Variants in NECAB2 observed in about 807,000 individuals in gnomAD.
NECAB2 encodes the protein N-terminal EF-hand calcium binding protein 2, also known as N-terminal EF-hand calcium-binding protein 2.
In NECAB2, 68 loss-of-function variants were observed where a neutral mutation model predicts 51.9. The observed-to-expected ratio is 1.31, with a 90% confidence interval of 1.08 to 1.60. NECAB2 has a LOEUF of 1.60. Ranked by LOEUF, NECAB2 falls within the 40% of genes most tolerant of loss-of-function variation. The pLI is 0.00. For missense variants in NECAB2, 854 were observed against 490.3 expected, an observed-to-expected ratio of 1.74 and a Z score of -7.00; for synonymous variants, 329 against 203.5, an observed-to-expected ratio of 1.62 and a Z score of -5.25.
rs182198377 is a variant in NECAB2, at chr16:83,984,291, G to T, written c.459+3164G>T. ...ATTACAGGCGTGAGCCACCGCGCCC[G>T]GCGGAATATTTTTAAACAAAACTGC... On this transcript the variant is annotated intron_variant, in intron 5 of 12. Coordinates refer to ENST00000305202, the MANE Select transcript of NECAB2 (RefSeq NM_019065.3). 2.6e-4 allele frequency among the ~76,000 whole-genome samples: 40 copies of T among 151,656 alleles called. No homozygotes were observed. In the East Asian group the frequency reaches 4.7e-3, roughly 18 times the overall value.
chr16:84,002,172 G>A, intron 12 of NECAB2, 146 bp from the exon 13 acceptor site: 1 of 1,118,470 alleles, frequency 8.9e-7, no homozygotes, highest in Admixed American at 1.7e-5. Flanking sequence ...CAGGTGTGTG[G>A]TTTGCACCTG....
At position 83,997,311 on chromosome 16, in the gene NECAB2, C is replaced by T. The variant is rs1214592404; in HGVS notation, c.849+42C>T. On this transcript the variant is annotated intron_variant, in intron 9 of 12. Transcript: ENST00000305202. Reference sequence around the variant, plus strand: ...CCTCTCTTCTGGGACCACATCCCTACCCATGCCAGGACTGCCAAGATCCAA... The same window carrying T: ...CCTCTCTTCTGGGACCACATCCCTATCCATGCCAGGACTGCCAAGATCCAA... The T allele has an allele frequency of 1.2e-5, 20 of 1,612,662 alleles. No individual in the cohort carries two copies. In the African/African-American group the frequency reaches 1.5e-4, roughly 12 times the overall value.
intron 1 of NECAB2, chr16:83,971,943 G>A: frequency 1.6e-6 from 1 of 639,618 alleles, no homozygotes. Flanking sequence ...GCTTCCACGT[G>A]GGTGAGGGGA....
chr16:83,981,677 G>C (rs1165823633), intron 5 of NECAB2, among the ~76,000 whole-genome samples: 1 of 152,134 alleles, frequency 6.6e-6, no homozygotes. Flanking sequence ...TGGCTGGGAT[G>C]AGTGGGGAAA....
At chr16:83,965,322 A>C, upstream of NECAB2, 1 of 1,580,694 alleles carries the variant, frequency 6.3e-7, no homozygotes, top group Non-Finnish European at 8.6e-7. Flanking sequence ...GGCACGTTCG[A>C]CAGCCCGGCC....
intron 9 of NECAB2, 149 bp downstream of exon 9, chr16:83,997,418 C>G: frequency 1.0e-6 from 1 of 966,328 alleles, no homozygotes; most frequent in East Asian, 2.7e-5. Flanking sequence ...GCACCCAGAC[C>G]CTGCCCTGGC....
intron 2 of NECAB2, among the ~76,000 whole-genome samples, chr16:83,975,169 G>A (rs1244766089): frequency 1.4e-5 from 2 of 139,534 alleles, no homozygotes; most frequent in African/African-American, 6.1e-5. Context: ...TGTGGGTGCA[G>A]GGATGGGAAC....
intron 5 of NECAB2, among the ~76,000 whole-genome samples, chr16:83,988,707 G>T: frequency 6.6e-6 from 1 of 152,174 alleles, no homozygotes; most frequent in East Asian, 1.9e-4. Flanking sequence ...GAAATTTGCA[G>T]GTTTCTGGAG....
chr16:83,982,122 G>A (rs900253655), intron 5 of NECAB2, among the ~76,000 whole-genome samples: 1 of 152,166 alleles, frequency 6.6e-6, no homozygotes, highest in African/African-American at 2.4e-5. Context: ...CGGAGCAAAG[G>A]CACCTGCTGG....
At chr16:84,001,493 G>C (rs4997522) in intron 11 of NECAB2, among the ~76,000 whole-genome samples, 34,428 of 152,038 alleles carry the variant, frequency 0.23, 8,214 homozygotes, top group African/African-American at 0.61. Flanking sequence ...GGGACTAAAA[G>C]CCTTCGCAGC....
At chr16:83,992,335 C>G (rs78008906) in intron 6 of NECAB2, among the ~76,000 whole-genome samples, 2 of 150,468 alleles carry the variant, frequency 1.3e-5, no homozygotes, top group Admixed American at 6.6e-5. Flanking sequence ...GCGACATTCT[C>G]GTGGCTCAGC....
chr16:83,996,385 C>A (rs1001646006), intron 8 of NECAB2, among the ~76,000 whole-genome samples: 3 of 152,162 alleles, frequency 2.0e-5, no homozygotes, highest in African/African-American at 4.8e-5. Flanking sequence ...CGTGCAAGGT[C>A]CCTTGCTCAA....
At position 83,994,300 on chromosome 16, in the gene NECAB2, A is replaced by G; in HGVS notation, c.597-2A>G. On this transcript the variant is annotated splice_acceptor_variant, in intron 6 of 12. Coordinates refer to ENST00000305202, the MANE Select transcript of NECAB2 (RefSeq NM_019065.3). LOFTEE classifies it high-confidence loss of function. Reference sequence around the variant, plus strand: ...CTGTGTGTGTTCCCATCCAAACTGCAGACAGAACCACATCAAACCCAGCCA... The same window carrying G: ...CTGTGTGTGTTCCCATCCAAACTGCGGACAGAACCACATCAAACCCAGCCA... 1.9e-6 allele frequency: 3 copies of G among 1,614,182 alleles called. No homozygotes were observed. The highest frequency in any genetic ancestry group is 2.5e-6 in the Non-Finnish European group (3 of 1,180,002).
In NECAB2 at chr16:84,001,916, G is replaced by A; in HGVS notation, c.1132G>A (p.Ala378Thr). 6.2e-7 allele frequency: 1 copy of A among 1,613,876 alleles called. No individual in the cohort carries two copies. The highest frequency in any genetic ancestry group is 2.2e-5 in the East Asian group (1 of 44,874). ...PEALSRILVP[A>T]AWCTVGRD Reference sequence around the variant, plus strand: ...GGCCCTCTCCAGGATCTTGGTGCCAGGTAGGGGGCAAAGGCCTGGAACTGC... The same window carrying A: ...GGCCCTCTCCAGGATCTTGGTGCCAAGTAGGGGGCAAAGGCCTGGAACTGC... The change falls in exon 12 of 13, where the codon GCT becomes ACT. Residue 378 changes from alanine to threonine, a missense_variant and splice_region_variant. Physicochemically the swap from Ala to Thr is moderately conservative, Grantham distance 58. Coordinates refer to ENST00000305202, the MANE Select transcript of NECAB2 (RefSeq NM_019065.3).
intron 12 of NECAB2, 147 bp downstream of exon 12, chr16:84,002,063 G>C (rs1423074601): frequency 9.4e-7 from 1 of 1,059,354 alleles, no homozygotes; most frequent in Non-Finnish European, 1.4e-6. Flanking sequence ...CTCAGAGCCA[G>C]CCCTGAGGTG....
At chr16:83,981,184 C>T in intron 5 of NECAB2, 57 bp downstream of exon 5, 8 of 1,491,066 alleles carry the variant, frequency 5.4e-6, no homozygotes, top group Non-Finnish European at 7.5e-6. Flanking sequence ...TTCAGTTCCA[C>T]CCTTGCCTAA....
At chr16:83,970,677 T>C (rs999896) in intron 1 of NECAB2, among the ~76,000 whole-genome samples, 1 of 152,100 alleles carries the variant, frequency 6.6e-6, no homozygotes, top group Non-Finnish European at 1.5e-5. Context: ...CAGCCCTCCC[T>C]GGTGTCGGGA....
intron 5 of NECAB2, among the ~76,000 whole-genome samples, chr16:83,986,984 A>G (rs2084565037): frequency 6.6e-6 from 1 of 152,178 alleles, no homozygotes; most frequent in African/African-American, 2.4e-5. Flanking sequence ...CCCCACCATG[A>G]CATACCCATG....
intron 2 of NECAB2, among the ~76,000 whole-genome samples, chr16:83,976,707 C>T (rs1391536941): frequency 2.0e-5 from 3 of 150,994 alleles, no homozygotes; most frequent in African/African-American, 7.4e-5. Context: ...GCGATGGGGG[C>T]ATCTTGGGAT....
Sources: gnomAD v4.1 joint callset for allele counts (sites outside exome capture counted in the v4.1 genomes callset) on GRCh38, gnomAD v4.1.1 for gene constraint, MANE v1.5 for transcripts, NCBI Gene and HGNC (gene_info 2026-07-23, HGNC 2026-07-21) for gene names.